The following PARP8 variants were observed in gnomAD, a reference collection of about 807,000 sequenced individuals.
The protein encoded by PARP8 is protein mono-ADP-ribosyltransferase PARP8.
PARP8 carries 51 observed loss-of-function variants against 124.1 expected under a neutral mutation model. The observed-to-expected ratio is 0.41, with a 90% CI of 0.33 to 0.52. PARP8 has a LOEUF of 0.52. Ranked by LOEUF, PARP8 falls within the 20% of genes least tolerant of loss-of-function variation. The pLI is 0.21. For synonymous variants in PARP8, 391 were observed against 361.5 expected (o/e 1.08, Z -0.93); for missense variants, 860 against 1,018.9 (o/e 0.84, Z 2.12).
At chr5:50,747,148 TTG>T (rs751368142) in intron 2 of PARP8, among the ~76,000 whole-genome samples, 24,008 of 117,600 alleles carry the variant, frequency 0.2, 2,187 homozygotes, top group East Asian at 0.32. Context: ...ATGGTTTTTT[TTG>T]TTTGTTTGTT....
intron 3 of PARP8, among the ~76,000 whole-genome samples, chr5:50,759,269 C>T (rs1435114218): frequency 6.6e-6 from 1 of 151,926 alleles, no homozygotes; most frequent in Non-Finnish European, 1.5e-5. Flanking sequence ...TCAGTTTTCT[C>T]TCTCCACTCA....
rs563141728 is a variant in PARP8 at position 50,801,009 on chromosome 5, T to C, written c.1575+3776T>C. Among the ~76,000 whole-genome samples, 55 of 152,148 alleles carry C rather than the reference T, an allele frequency of 3.6e-4. 1 individual carries two copies. In the South Asian group the frequency reaches 0.01, roughly 29 times the overall value. ...CTGGGCTCAAGGAATCCTCCTGCCT[T>C]AGCCTCTCAAAGTGTTAGGATTACA... On this transcript the variant is annotated intron_variant, in intron 14 of 25. Transcript: ENST00000281631.
chr5:50,744,048 G>A (rs1758301707), intron 2 of PARP8, among the ~76,000 whole-genome samples: 1 of 152,178 alleles, frequency 6.6e-6, no homozygotes. Flanking sequence ...TGTTGAAAAA[G>A]CATGAACTGA....
chr5:50,747,154 G>GTTTTTTTTT (rs370243477), intron 2 of PARP8, among the ~76,000 whole-genome samples: 4 of 121,916 alleles, frequency 3.3e-5, no homozygotes, highest in African/African-American at 9.8e-5. Flanking sequence ...TTTTTTGTTT[G>GTTTTTTTTT]TTTGTTTTGT....
In PARP8 at chr5:50,828,343, C is replaced by T. The variant is rs776650461; in HGVS notation, c.2122C>T (p.Leu708=). 34 of 1,613,554 alleles carry T rather than the reference C, an allele frequency of 2.1e-5. No homozygotes were observed. In the East Asian group the frequency reaches 6.2e-4, roughly 30 times the overall value. ...ACACATTGAAAACTGGCACTCCATCCTGAGGAATGGTCTGGTTGTTGCTTC... is the reference window on the plus strand; with the variant it reads ...ACACATTGAAAACTGGCACTCCATCTTGAGGAATGGTCTGGTTGTTGCTTC... ...GSHIENWHSI[L]RNGLVVASNT... is the part of the protein sequence containing the mutation. The change falls in exon 21 of 26, where the codon CTG becomes TTG. Residue 708 remains leucine, a synonymous_variant. Transcript: ENST00000281631.
chr5:50,687,837 G>T (rs1252141032), intron 2 of PARP8, among the ~76,000 whole-genome samples: 1 of 152,118 alleles, frequency 6.6e-6, no homozygotes, highest in African/African-American at 2.4e-5. Flanking sequence ...CTCCCACAGG[G>T]TCCCTCTCAC....
At chr5:50,698,981 A>C (rs1488062233) in intron 2 of PARP8, among the ~76,000 whole-genome samples, 3 of 152,176 alleles carry the variant, frequency 2.0e-5, no homozygotes, top group African/African-American at 7.2e-5. Context: ...AAAAAATTCC[A>C]ACCTTGCCTC....
chr5:50,799,675 T>C (rs1481436029), intron 14 of PARP8, among the ~76,000 whole-genome samples: 1 of 152,190 alleles, frequency 6.6e-6, no homozygotes, highest in Non-Finnish European at 1.5e-5. Context: ...ATAGACTGGA[T>C]GTGTTCCTCC....
intron 2 of PARP8, among the ~76,000 whole-genome samples, chr5:50,700,442 C>T (rs536380798): frequency 3.9e-5 from 6 of 152,256 alleles, no homozygotes; most frequent in Middle Eastern, 3.4e-3. Flanking sequence ...GGTTTCTAAT[C>T]GTAAATTTTT....
chr5:50,804,224 C>T (rs1743564825), intron 14 of PARP8, among the ~76,000 whole-genome samples: 1 of 152,072 alleles, frequency 6.6e-6, no homozygotes, highest in Non-Finnish European at 1.5e-5. Flanking sequence ...GTTTTCAATC[C>T]CCACTCCAGG....
In PARP8 at chr5:50,842,192, A is replaced by AT. The variant is rs906916463; in HGVS notation, c.*132dup. On this transcript the variant is annotated 3_prime_UTR_variant, in exon 26 of 26. Coordinates refer to ENST00000281631, the MANE Select transcript of PARP8 (RefSeq NM_024615.4). ...AACAAAATTAACCCTTTGAATACTG[A>AT]TTTTTTTTCTTAGTATTTCTAAGTA... is the stretch of plus-strand genomic sequence containing the variant. The AT allele has an allele frequency of 4.9e-5, 32 of 656,364 alleles. No homozygotes were observed. Among genetic ancestry groups the AT allele is most frequent in the Admixed American group, 2.5e-4 (7 of 28,430 alleles). The allele number at this position is 656,364 out of a possible 1,614,324, so 40.7% of individuals were successfully genotyped here.
chr5:50,725,101 G>A (rs1316182581), intron 2 of PARP8, among the ~76,000 whole-genome samples: 2 of 150,544 alleles, frequency 1.3e-5, no homozygotes, highest in South Asian at 4.2e-4. Flanking sequence ...ATACACATAT[G>A]TGTATGTATA....
rs1162599723 is a variant in PARP8 at position 50,753,880 on chromosome 5, A to G, written c.184+3692A>G. The stretch of plus-strand genomic sequence containing the variant: ...TTAAGAAATACTTTTGCACAGTTCT[A>G]TTCATCTCTCCCCAAGTCTCAAGTG... On this transcript the variant is annotated intron_variant, in intron 3 of 25. Coordinates refer to ENST00000281631, the MANE Select transcript of PARP8 (RefSeq NM_024615.4). 4.0e-5 allele frequency among the ~76,000 whole-genome samples: 6 copies of G among 151,768 alleles called. No individual in the cohort carries two copies. In the East Asian group the frequency reaches 5.8e-4, roughly 15 times the overall value.
Position 50,667,226 on chromosome 5 carries a change from C to G in PARP8, c.91+40C>G, listed in dbSNP as rs745501232. On this transcript the variant is annotated intron_variant, in intron 1 of 25. Transcript: ENST00000281631. ...TTCCAGAACCTCGGACCCAGCGCCC[C>G]CTTCCCAGTTTTCTGACCGCGACGT... 17 of 1,588,600 alleles carry G rather than the reference C, an allele frequency of 1.1e-5. No individual in the cohort carries two copies. The South Asian group carries it at 1.4e-4, about 13-fold the overall frequency.
intron 2 of PARP8, among the ~76,000 whole-genome samples, chr5:50,731,415 A>G (rs1292567077): frequency 1.3e-5 from 2 of 152,228 alleles, no homozygotes; most frequent in East Asian, 1.9e-4. Context: ...TAGGAAATTC[A>G]TAGCAGTGTG....
chr5:50,667,875 C>T (rs886489517), intron 1 of PARP8, 196 bp from the exon 2 acceptor site: 6 of 1,467,320 alleles, frequency 4.1e-6, no homozygotes, highest in Non-Finnish European at 4.5e-6. Context: ...TTGCGGGGGG[C>T]GGCCTCCCGC....
At chr5:50,689,472 A>T (rs776907039) in intron 2 of PARP8, among the ~76,000 whole-genome samples, 3 of 152,204 alleles carry the variant, frequency 2.0e-5, no homozygotes, top group Non-Finnish European at 2.9e-5. Context: ...CATTATCTGG[A>T]AACACTCCCT....
At position 50,794,322 on chromosome 5, in the gene PARP8, A is replaced by G. The variant is rs1183047928; in HGVS notation, c.853A>G (p.Thr285Ala). 4 of 1,612,960 alleles carry G rather than the reference A, an allele frequency of 2.5e-6. No individual in the cohort carries two copies. In the African/African-American group the frequency reaches 4.0e-5, roughly 16 times the overall value. Residue 285 changes from threonine to alanine, a missense_variant, in exon 11 of 26, where the codon ACT becomes GCT. Thr to Ala is a moderately conservative substitution (Grantham distance 58). Coordinates refer to ENST00000281631, the MANE Select transcript of PARP8 (RefSeq NM_024615.4). ...KVKSPLHLFS[T>A]LRRSPSYPPP... The stretch of plus-strand genomic sequence containing the variant: ...GAAGTCTCCCCTGCATTTATTTTCT[A>G]CTTTGCGCAGGTTGGTAACAGGCAA...
chr5:50,674,804 G>A (rs115558952), intron 2 of PARP8, among the ~76,000 whole-genome samples: 6,596 of 152,264 alleles, frequency 0.043, 455 homozygotes, highest in African/African-American at 0.15. Flanking sequence ...ATCACAAAGA[G>A]CAGTTCATTG....
Sources: gnomAD v4.1 joint callset for allele counts (sites outside exome capture counted in the v4.1 genomes callset) on GRCh38, gnomAD v4.1.1 for gene constraint, MANE v1.5 for transcripts, NCBI Gene and HGNC (gene_info 2026-07-23, HGNC 2026-07-21) for gene names.